The following PTPRD variants were observed in gnomAD, a reference collection of about 807,000 sequenced individuals.
PTPRD encodes receptor-type tyrosine-protein phosphatase delta.
In PTPRD, 34 loss-of-function variants were observed where a neutral mutation model predicts 214.5. The ratio of observed to expected loss-of-function variants is 0.16; its 90% CI spans 0.12 to 0.21. PTPRD has a LOEUF of 0.21. PTPRD is among the 10% of genes least tolerant of loss of function. PTPRD has a pLI of 1.00. For synonymous variants in PTPRD, 1,128 were observed against 845.7 expected, an observed-to-expected ratio of 1.33 and a Z score of -5.79; for missense variants, 2,545 against 2,398.7, an observed-to-expected ratio of 1.06 and a Z score of -1.27.
intron 4 of PTPRD, among the ~76,000 whole-genome samples, chr9:9,985,732 TGATAA>T (rs1377905563): frequency 7.9e-5 from 12 of 151,942 alleles, no homozygotes; most frequent in Non-Finnish European, 1.5e-5. Flanking sequence ...TTAGAAAAAT[TGATAA>T]GATATTATCA....
intron 33 of PTPRD, among the ~76,000 whole-genome samples, chr9:8,453,745 C>T (rs930051329): frequency 6.6e-6 from 1 of 152,106 alleles, no homozygotes; most frequent in African/African-American, 2.4e-5. Context: ...GCCTGGTGGG[C>T]CAATGCCTAG....
chr9:8,736,203 G>A (rs932331602), intron 11 of PTPRD, among the ~76,000 whole-genome samples: 5 of 152,114 alleles, frequency 3.3e-5, no homozygotes, highest in Non-Finnish European at 7.3e-5. Context: ...GCAATGACTG[G>A]CTCCAAGCAA....
chr9:8,505,466 C>CA (rs542034929), intron 22 of PTPRD, among the ~76,000 whole-genome samples: 4 of 151,554 alleles, frequency 2.6e-5, no homozygotes, highest in South Asian at 4.2e-4. Flanking sequence ...CCTAAAAATA[C>CA]AAAAAATTAG....
chr9:8,797,856 T>A (rs542063748), intron 11 of PTPRD, among the ~76,000 whole-genome samples: 121 of 148,274 alleles, frequency 8.2e-4, no homozygotes, highest in Non-Finnish European at 1.4e-3. Context: ...TCTCAGAAAA[T>A]AAATTTAACA....
intron 44 of PTPRD, among the ~76,000 whole-genome samples, chr9:8,321,481 GTGTGTGTATATATATATATATATA>G (rs1217786189): frequency 2.0e-4 from 10 of 49,198 alleles, no homozygotes; most frequent in African/African-American, 1.5e-3. Flanking sequence ...GTGTGTGTGT[GTGTGTGTATATATATATATATATA>G]TATATATATA....
intron 9 of PTPRD, among the ~76,000 whole-genome samples, chr9:9,347,293 G>A (rs564294529): frequency 1.4e-3 from 206 of 147,830 alleles, no homozygotes; most frequent in African/African-American, 4.9e-3. Context: ...CTATACTTCA[G>A]AGGACTCTCT....
chr9:9,507,560 T>C (rs1275358453), intron 8 of PTPRD, among the ~76,000 whole-genome samples: 1 of 151,492 alleles, frequency 6.6e-6, no homozygotes, highest in Non-Finnish European at 1.5e-5. Context: ...AAAGTAAAGC[T>C]AGTATGATGA....
intron 3 of PTPRD, among the ~76,000 whole-genome samples, chr9:10,217,514 C>G (rs1002636946): frequency 6.6e-6 from 1 of 151,900 alleles, no homozygotes; most frequent in African/African-American, 2.4e-5. Context: ...AAATTGATCA[C>G]AGCATTCTTT....
intron 3 of PTPRD, among the ~76,000 whole-genome samples, chr9:10,087,420 C>G (rs912700204): frequency 6.6e-6 from 1 of 151,608 alleles, no homozygotes; most frequent in South Asian, 2.1e-4. Context: ...TGTTTTTACA[C>G]TATCTATTGA....
chr9:8,925,071 C>T (rs2098863146), intron 11 of PTPRD, among the ~76,000 whole-genome samples: 1 of 152,156 alleles, frequency 6.6e-6, no homozygotes, highest in Admixed American at 6.5e-5. Flanking sequence ...GCTCTTTTTA[C>T]AGCCATTTAA....
At chr9:8,494,457 C>G (rs559162851) in intron 26 of PTPRD, among the ~76,000 whole-genome samples, 1 of 152,224 alleles carries the variant, frequency 6.6e-6, no homozygotes, top group South Asian at 2.1e-4. Context: ...GTAAACTACC[C>G]AAGAGCAGTA....
intron 6 of PTPRD, among the ~76,000 whole-genome samples, chr9:9,760,417 A>G (rs1294701945): frequency 6.6e-6 from 1 of 152,072 alleles, no homozygotes; most frequent in Non-Finnish European, 1.5e-5. Context: ...AGGAGACACA[A>G]GGGCTTGATA....
intron 8 of PTPRD, among the ~76,000 whole-genome samples, chr9:9,572,492 AAAT>A (rs1283746948): frequency 6.7e-6 from 1 of 150,374 alleles, no homozygotes; most frequent in Non-Finnish European, 1.5e-5. Flanking sequence ...TTTAAGAAAG[AAAT>A]AATGCTGATT....
At chr9:10,140,145 G>C (rs1299315298) in intron 3 of PTPRD, among the ~76,000 whole-genome samples, 1 of 151,926 alleles carries the variant, frequency 6.6e-6, no homozygotes, top group Non-Finnish European at 1.5e-5. Flanking sequence ...ACCATCTGCA[G>C]AATGGGAGAA....
At position 8,704,407 on chromosome 9, in the gene PTPRD, A is replaced by G. The variant is rs140631742; in HGVS notation, c.64+29373T>C. On this transcript the variant is annotated intron_variant, in intron 12 of 45. Transcript: ENST00000381196. ...AAGCAGAGTAGGAAGGAGGATGGGA[A>G]GAAGGAAAAAAAGGAATAGGCTTAA... Among the ~76,000 whole-genome samples the G allele has an allele frequency of 7.5e-3, 1,135 of 152,322 alleles. 9 individuals carry two copies. Among genetic ancestry groups the G allele is most frequent in the Non-Finnish European group, 0.011 (773 of 68,020 alleles).
At chr9:10,370,932 C>A (rs986743677) in intron 2 of PTPRD, among the ~76,000 whole-genome samples, 1 of 151,884 alleles carries the variant, frequency 6.6e-6, no homozygotes. Flanking sequence ...TGATCTTTGC[C>A]TGAAGTATTT....
intron 2 of PTPRD, among the ~76,000 whole-genome samples, chr9:10,542,702 C>T (rs1462987536): frequency 6.6e-6 from 1 of 151,874 alleles, no homozygotes; most frequent in Non-Finnish European, 1.5e-5. Context: ...AGATTTTCTT[C>T]CTTTTTTTAA....
chr9:10,595,261 T>G (rs1375501039), intron 2 of PTPRD, among the ~76,000 whole-genome samples: 2 of 151,828 alleles, frequency 1.3e-5, no homozygotes, highest in African/African-American at 4.8e-5. Flanking sequence ...AATTGCTAAT[T>G]AAAGAAAATC....
At chr9:8,731,136 C>G (rs1006534052) in intron 12 of PTPRD, among the ~76,000 whole-genome samples, 22 of 152,320 alleles carry the variant, frequency 1.4e-4, no homozygotes, top group African/African-American at 4.6e-4. Context: ...ACACCCAGTA[C>G]TTTGCTATGA....
Sources: allele counts gnomAD v4.1 joint callset (sites outside exome capture counted in the v4.1 genomes callset), GRCh38; gene constraint gnomAD v4.1.1; transcripts MANE v1.5; gene names NCBI Gene and HGNC (gene_info 2026-07-23, HGNC 2026-07-21).